NEK8: variants seen among roughly 807,000 people sequenced by gnomAD.
The protein encoded by NEK8 is NIMA related kinase 8.
Under a neutral mutation model 77.2 loss-of-function variants are expected in NEK8, and 51 were observed. That is an observed-to-expected ratio of 0.66 (90% CI 0.53 to 0.83). NEK8 has a LOEUF of 0.83. NEK8 is among the 40% of genes least tolerant of loss of function. The pLI, the probability that NEK8 is intolerant of heterozygous loss-of-function variation, is 0.00. For synonymous variants in NEK8, 365 were observed against 363.2 expected (o/e 1.00, Z -0.06); for missense variants, 787 against 909.2 (o/e 0.87, Z 1.73).
intron 1 of NEK8, among the ~76,000 whole-genome samples, chr17:28,730,287 T>A (rs2034294362): frequency 7.1e-6 from 1 of 140,770 alleles, no homozygotes; most frequent in South Asian, 2.4e-4. Context: ...ATTTTTTTTT[T>A]TTTTTTTTTT....
At position 28,739,126 on chromosome 17, in the gene NEK8, G is replaced by A. The variant is rs1221614193; in HGVS notation, c.1342G>A (p.Val448Met). 3.7e-6 allele frequency: 6 copies of A among 1,614,192 alleles called. No homozygotes were observed. Among genetic ancestry groups the A allele is most frequent in the Non-Finnish European group, 5.1e-6 (6 of 1,180,004 alleles). Residue 448 changes from valine to methionine, a missense_variant, in exon 10 of 15, where the codon GTG becomes ATG. Val to Met is a conservative substitution (Grantham distance 21). This residue lies in a region of NEK8 where 516 missense variants were observed against 544.0 expected (regional missense o/e 0.95). Transcript: ENST00000268766. ...TTTGCTGGGCTATGAAATGGTGCAG[G>A]TGGCCTGTGGGGCCTCTCACGTGCT... ...EALLGYEMVQ[V>M]ACGASHVLAL...
rs888237174 is a variant in NEK8 at position 28,737,240 on chromosome 17, A to G, written c.619-66A>G. 6.7e-7 allele frequency: 1 copy of G among 1,501,802 alleles called. No individual in the cohort carries two copies. Among genetic ancestry groups the G allele is most frequent in the Non-Finnish European group, 9.0e-7 (1 of 1,105,330 alleles). The allele number at this position is 1,501,802 out of a possible 1,614,324, so 93.0% of individuals were successfully genotyped here. A position where few individuals can be genotyped will look rare whatever the true frequency, so the allele number is the denominator to read the frequency against. The stretch of plus-strand genomic sequence containing the variant: ...GGCAAAGCTGTTATTATCCCAGGAG[A>G]CCAGGGGCTGGAGCTGGGGGGTGCT... On this transcript the variant is annotated intron_variant, in intron 4 of 14. Transcript: ENST00000268766. This position sits in a 1 kb window ranked among gnomAD's most constrained non-coding sequence, Gnocchi z 4.8.
intron 2 of NEK8, chr17:28,734,421 G>A: frequency 1.7e-6 from 1 of 590,806 alleles, no homozygotes; most frequent in Non-Finnish European, 3.0e-6. Flanking sequence ...TGTAATCTCA[G>A]CACTTTGGGA....
At chr17:28,735,189 C>A in intron 3 of NEK8, 51 bp from the exon 4 acceptor site, 1 of 1,611,386 alleles carries the variant, frequency 6.2e-7, no homozygotes, top group Non-Finnish European at 8.5e-7. Flanking sequence ...ATGCACAGAG[C>A]CCCTGGTCTT....
At chr17:28,728,973 T>C in intron 1 of NEK8, 113 bp downstream of exon 1, 1 of 1,004,220 alleles carries the variant, frequency 1.0e-6, no homozygotes, top group Non-Finnish European at 1.5e-6. Context: ...AGCGCCACTC[T>C]GGGAAGCCCC....
At chr17:28,736,669 A>G (rs1347792996) in intron 4 of NEK8, among the ~76,000 whole-genome samples, 1 of 152,182 alleles carries the variant, frequency 6.6e-6, no homozygotes, top group South Asian at 2.1e-4. Context: ...TCTGGATATT[A>G]GCCCTTTGTC....
intron 7 of NEK8, 37 bp from the exon 8 acceptor site, chr17:28,738,058 G>T: frequency 1.2e-6 from 2 of 1,612,824 alleles, no homozygotes; most frequent in Non-Finnish European, 1.7e-6. Flanking sequence ...AGCAGGGTTG[G>T]GGTGCTCAGG....
intron 2 of NEK8, 45 bp downstream of exon 2, chr17:28,734,233 C>T (rs761910190): frequency 6.5e-7 from 1 of 1,534,152 alleles, no homozygotes. Flanking sequence ...GGCCTCTTAC[C>T]TCTGGGACAG....
Position 28,737,979 on chromosome 17 carries a change from T to C in NEK8, c.1050T>C (p.Ser350=). Residue 350 remains serine, a synonymous_variant, in exon 7 of 15, where the codon TCT becomes TCC. Transcript: ENST00000268766. The surrounding 1 kb of genome is among the most constrained non-coding windows in gnomAD (Gnocchi z 4.8). The part of the protein sequence containing the change: ...GRTQKAGVTR[S]GRLILWEAPP... ...CGCAGAAAGCCGGCGTCACGCGCTCTGGGCGTCTCATCCTGTGGGAGGTGA... is the reference window on the plus strand; with the variant it reads ...CGCAGAAAGCCGGCGTCACGCGCTCCGGGCGTCTCATCCTGTGGGAGGTGA... The C allele has an allele frequency of 6.2e-7, 1 of 1,611,894 alleles. No homozygotes were observed. The highest frequency in any genetic ancestry group is 1.3e-5 in the African/African-American group (1 of 75,022).
Position 28,742,083 on chromosome 17 carries a change from C to T in NEK8, c.*96C>T. ...CCAAGGCATGACTTGCAGCTGTCTC[C>T]TGGATTGTGTCATCATGGGGTATCA... On this transcript the variant is annotated 3_prime_UTR_variant, in exon 15 of 15. Transcript: ENST00000268766. 1 of 1,234,766 alleles carries T rather than the reference C, an allele frequency of 8.1e-7. No homozygotes were observed. Among genetic ancestry groups the T allele is most frequent in the Admixed American group, 1.7e-5 (1 of 59,556 alleles). 76.5% of individuals were successfully genotyped at this position (1,234,766 alleles called of 1,614,324 possible).
At chr17:28,738,398 T>C (rs1306200139) in intron 8 of NEK8, among the ~76,000 whole-genome samples, 153 bp downstream of exon 8, 1 of 152,234 alleles carries the variant, frequency 6.6e-6, no homozygotes, top group Admixed American at 6.5e-5. Flanking sequence ...GATTTCCTTA[T>C]ACAACCTCCT....
intron 7 of NEK8, 29 bp from the exon 8 acceptor site, chr17:28,738,066 A>G: frequency 6.2e-7 from 1 of 1,612,726 alleles, no homozygotes; most frequent in Non-Finnish European, 8.5e-7. Flanking sequence ...TGGGGTGCTC[A>G]GGCGCTGCCC....
chr17:28,741,594 TCAC>T lies in NEK8; in HGVS notation c.2050+27_2050+29del, dbSNP rs1450645368. 1 of 1,613,502 alleles carries T rather than the reference TCAC, an allele frequency of 6.2e-7. No homozygotes were observed. The highest frequency in any genetic ancestry group is 1.7e-5 in the Admixed American group (1 of 60,016). On this transcript the variant is annotated intron_variant, in intron 14 of 14. Coordinates refer to ENST00000268766, the MANE Select transcript of NEK8 (RefSeq NM_178170.3). This position sits in a 1 kb window ranked among gnomAD's most constrained non-coding sequence, Gnocchi z 4.5. ...GATGTGAGTTGTAACTTTTCCCACT[TCAC>T]CACACAGCCCAGCTGGCCCCTGTCC... is the stretch of plus-strand genomic sequence containing the variant.
Position 28,737,123 on chromosome 17 carries a change from G to C in NEK8, c.619-183G>C, listed in dbSNP as rs1310827025. On this transcript the variant is annotated intron_variant, in intron 4 of 14. Coordinates refer to ENST00000268766, the MANE Select transcript of NEK8 (RefSeq NM_178170.3). The surrounding 1 kb of genome is among the most constrained non-coding windows in gnomAD (Gnocchi z 4.8). ...TCTGAGGGCTCTGTTCTGTTCCATT[G>C]GTCTATATCTCTGTTTTGGTACCAG... Among the ~76,000 whole-genome samples, 2 of 152,170 alleles carry C rather than the reference G, an allele frequency of 1.3e-5. No homozygotes were observed. The highest frequency in any genetic ancestry group is 2.9e-5 in the Non-Finnish European group (2 of 68,016).
In NEK8 at chr17:28,732,393, G is replaced by A. The variant is rs535136608; in HGVS notation, c.48-1590G>A. 4.6e-5 allele frequency among the ~76,000 whole-genome samples: 7 copies of A among 152,098 alleles called. No individual in the cohort carries two copies. The East Asian group carries it at 1.3e-3, about 29-fold the overall frequency. On this transcript the variant is annotated intron_variant, in intron 1 of 14. Coordinates refer to ENST00000268766, the MANE Select transcript of NEK8 (RefSeq NM_178170.3). Reference sequence around the variant, plus strand: ...AGGGACCATTTTGGAGAGTTATACAGTATTTTAGGCGAGAAATTATGATGA... The same window carrying A: ...AGGGACCATTTTGGAGAGTTATACAATATTTTAGGCGAGAAATTATGATGA...
chr17:28,732,370 G>A (rs983872916), intron 1 of NEK8, among the ~76,000 whole-genome samples: 2 of 151,810 alleles, frequency 1.3e-5, no homozygotes, highest in African/African-American at 4.8e-5. Context: ...GGAGTGAAAG[G>A]GACCATTTTG....
rs754404532 is a variant in NEK8 at position 28,739,209 on chromosome 17, C to T, written c.1417+8C>T. On this transcript the variant is annotated splice_region_variant and intron_variant, in intron 10 of 14. Transcript: ENST00000268766. ...GGGGCCGTGGAGACAGCGGTAAGCTCCAGCCTTTAGGCCCCATCTCACAGC... is the reference window on the plus strand; with the variant it reads ...GGGGCCGTGGAGACAGCGGTAAGCTTCAGCCTTTAGGCCCCATCTCACAGC... 84 of 1,599,478 alleles carry T rather than the reference C, an allele frequency of 5.3e-5. No individual in the cohort carries two copies. Among genetic ancestry groups the T allele is most frequent in the Non-Finnish European group, 6.9e-5 (81 of 1,166,640 alleles).
chr17:28,732,545 CT>C (rs1054257308), intron 1 of NEK8, among the ~76,000 whole-genome samples: 1,107 of 77,988 alleles, frequency 0.014, 1 homozygote, highest in East Asian at 0.056. Flanking sequence ...TTTTTCTTTT[CT>C]TTTTTTTTTT....
chr17:28,729,837 C>G lies in NEK8; in HGVS notation c.47+977C>G, dbSNP rs796162877. On this transcript the variant is annotated intron_variant, in intron 1 of 14. Coordinates refer to ENST00000268766, the MANE Select transcript of NEK8 (RefSeq NM_178170.3). ...CTGGAATTACAGGCGTGAGCCACCG[C>G]GACAGGCCAGAAGTGAGATTTAAGG... 2.6e-5 allele frequency among the ~76,000 whole-genome samples: 4 copies of G among 152,050 alleles called. No individual in the cohort carries two copies. The South Asian group carries it at 8.3e-4, about 32-fold the overall frequency.
Sources: allele counts gnomAD v4.1 joint callset (sites outside exome capture counted in the v4.1 genomes callset), GRCh38; gene constraint gnomAD v4.1.1; regional missense constraint gnomAD v4.1.1; non-coding constraint Gnocchi (gnomAD v3.1); transcripts MANE v1.5; gene names NCBI Gene and HGNC (gene_info 2026-07-23, HGNC 2026-07-21).